The following FREM2 variants were observed in gnomAD, a reference collection of about 807,000 sequenced individuals.
FREM2 encodes the protein FRAS1-related extracellular matrix protein 2.
Under a neutral mutation model 219.9 loss-of-function variants are expected in FREM2, and 119 were observed. The observed-to-expected ratio is 0.54, with a 90% confidence interval of 0.47 to 0.63. The LOEUF (loss-of-function observed/expected upper bound fraction) is 0.63. Among genes scored for constraint, FREM2 ranks in the 30% least tolerant of loss-of-function variants. FREM2 has a pLI of 0.00. For missense variants in FREM2, 4,030 were observed against 3,993.6 expected (o/e 1.01, Z -0.25); for synonymous variants, 1,562 against 1,522.8 (o/e 1.03, Z -0.60).
At chr13:38,791,343 A>G (rs1340469954) in intron 6 of FREM2, among the ~76,000 whole-genome samples, 2 of 152,174 alleles carry the variant, frequency 1.3e-5, no homozygotes, top group African/African-American at 2.4e-5. Flanking sequence ...AAAGTCTCTC[A>G]TGTATCTTGA....
At chr13:38,867,682 C>G (rs578009207) in intron 16 of FREM2, among the ~76,000 whole-genome samples, 1 of 152,340 alleles carries the variant, frequency 6.6e-6, no homozygotes, top group East Asian at 1.9e-4. Flanking sequence ...GCCTGAGAAC[C>G]CAGGTTAAGT....
At position 38,687,515 on chromosome 13, in the gene FREM2, C is replaced by T. The variant is rs1213671355; in HGVS notation, c.171C>T (p.Ser57=). 2.6e-5 allele frequency: 42 copies of T among 1,597,416 alleles called. No individual in the cohort carries two copies. Among genetic ancestry groups the T allele is most frequent in the Non-Finnish European group, 3.6e-5 (42 of 1,172,360 alleles). ...CTGCCTTCGGCAGGGCGTTGCTGTC[C>T]CCTGGTCTCGCGGGGGCTGCAGGGG... ...QPAAFGRALL[S]PGLAGAAGVP... is the part of the protein sequence containing the mutation. Residue 57 remains serine, a synonymous_variant, in exon 1 of 24, where the codon TCC becomes TCT. Transcript: ENST00000280481.
chr13:38,815,920 T>C (rs1875746709), intron 6 of FREM2, among the ~76,000 whole-genome samples: 1 of 152,142 alleles, frequency 6.6e-6, no homozygotes, highest in Non-Finnish European at 1.5e-5. Flanking sequence ...CCTCTGATAT[T>C]GAAACCAAAT....
intron 17 of FREM2, among the ~76,000 whole-genome samples, chr13:38,873,351 A>G (rs572163028): frequency 7.2e-5 from 11 of 152,340 alleles, no homozygotes; most frequent in African/African-American, 2.6e-4. Flanking sequence ...ATTAAATACA[A>G]ATTATGGCCT....
chr13:38,748,653 C>T (rs1377782962), intron 2 of FREM2, among the ~76,000 whole-genome samples: 1 of 152,098 alleles, frequency 6.6e-6, no homozygotes, highest in Non-Finnish European at 1.5e-5. Flanking sequence ...ATATTAAAGA[C>T]CCTAGGAATT....
In FREM2 at chr13:38,693,966, T is replaced by C. The variant is rs77231799; in HGVS notation, c.5173+1449T>C. Among the ~76,000 whole-genome samples, 19 of 152,306 alleles carry C rather than the reference T, an allele frequency of 1.2e-4. No homozygotes were observed. In the East Asian group the frequency reaches 3.5e-3, roughly 28 times the overall value. On this transcript the variant is annotated intron_variant, in intron 1 of 23. Transcript: ENST00000280481. ...CCATGCCGTCTTACACTGGTTTATTTTCATGGAGAGGGAAGAGAATGAAAG... is the reference window on the plus strand; with the variant it reads ...CCATGCCGTCTTACACTGGTTTATTCTCATGGAGAGGGAAGAGAATGAAAG...
intron 20 of FREM2, 56 bp from the exon 21 acceptor site, chr13:38,877,061 G>A: frequency 1.9e-6 from 3 of 1,599,918 alleles, no homozygotes; most frequent in Non-Finnish European, 2.6e-6. Flanking sequence ...TGAACAGTAT[G>A]TTTGTGCACC....
chr13:38,870,433 C>T (rs1340154187), intron 16 of FREM2, among the ~76,000 whole-genome samples: 1 of 152,070 alleles, frequency 6.6e-6, no homozygotes, highest in Non-Finnish European at 1.5e-5. Context: ...CATTGTGTCT[C>T]GGTTTCTTTA....
At chr13:38,768,632 C>T (rs1240869948) in intron 3 of FREM2, among the ~76,000 whole-genome samples, 3 of 152,120 alleles carry the variant, frequency 2.0e-5, no homozygotes, top group Non-Finnish European at 4.4e-5. Context: ...TGAAAATGCT[C>T]AGGTTTAGAG....
chr13:38,865,507 T>C (rs929276197), intron 16 of FREM2, among the ~76,000 whole-genome samples: 11 of 152,232 alleles, frequency 7.2e-5, no homozygotes, highest in African/African-American at 2.2e-4. Context: ...CCCTTCCAGA[T>C]TGAGCTAAAG....
chr13:38,747,276 G>A (rs1313819878), intron 2 of FREM2, among the ~76,000 whole-genome samples: 1 of 152,064 alleles, frequency 6.6e-6, no homozygotes, highest in East Asian at 1.9e-4. Flanking sequence ...ATTCCCAAAG[G>A]ATAGTTATCC....
intron 6 of FREM2, among the ~76,000 whole-genome samples, chr13:38,836,944 A>T (rs1267674732): frequency 6.6e-6 from 1 of 151,830 alleles, no homozygotes; most frequent in African/African-American, 2.4e-5. Flanking sequence ...TCTCTACTTC[A>T]GTTCTGCTCT....
intron 4 of FREM2, among the ~76,000 whole-genome samples, chr13:38,772,293 A>T (rs1437589446): frequency 6.6e-6 from 1 of 152,196 alleles, no homozygotes; most frequent in Non-Finnish European, 1.5e-5. Flanking sequence ...CAAAGACCAC[A>T]GGGGATGGGA....
In FREM2 at chr13:38,884,770, A is replaced by T. The variant is rs778540709; in HGVS notation, c.*3983A>T. The T allele has an allele frequency of 6.6e-6, 1 of 152,206 alleles. No individual in the cohort carries two copies. The highest frequency in any genetic ancestry group is 1.5e-5 in the Non-Finnish European group (1 of 68,014). The allele number at this position is 152,206 out of a possible 1,614,324, so 9.4% of individuals were successfully genotyped here. On this transcript the variant is annotated 3_prime_UTR_variant, in exon 24 of 24. Coordinates refer to ENST00000280481, the MANE Select transcript of FREM2 (RefSeq NM_207361.6). The stretch of plus-strand genomic sequence containing the variant: ...TATAAATACCAGTGCTATCACAGCC[A>T]CACATACACACACACAGACATAAAA...
intron 6 of FREM2, among the ~76,000 whole-genome samples, chr13:38,845,410 G>A (rs1170680258): frequency 6.6e-6 from 1 of 152,142 alleles, no homozygotes; most frequent in Non-Finnish European, 1.5e-5. Context: ...GAACAGTAAT[G>A]TGAGTTGCAT....
intron 6 of FREM2, 93 bp from the exon 7 acceptor site, chr13:38,846,480 A>G: frequency 7.5e-7 from 1 of 1,339,532 alleles, no homozygotes; most frequent in Non-Finnish European, 1.1e-6. Flanking sequence ...GAAGTCCCTA[A>G]GAGGAAGCAC....
At chr13:38,725,667 T>G (rs1407253248) in intron 2 of FREM2, among the ~76,000 whole-genome samples, 1 of 152,200 alleles carries the variant, frequency 6.6e-6, no homozygotes, top group African/African-American at 2.4e-5. Context: ...AAGCCTGTCA[T>G]TCAGACCCGT....
At chr13:38,698,693 T>C (rs1221158074) in intron 2 of FREM2, among the ~76,000 whole-genome samples, 1 of 152,194 alleles carries the variant, frequency 6.6e-6, no homozygotes, top group Non-Finnish European at 1.5e-5. Flanking sequence ...TGTTTCCTTA[T>C]GATGCTTTTT....
At position 38,689,602 on chromosome 13, in the gene FREM2, A is replaced by T. The variant is rs756507992; in HGVS notation, c.2258A>T (p.His753Leu). The T allele has an allele frequency of 6.2e-7, 1 of 1,613,104 alleles. No individual in the cohort carries two copies. The highest frequency in any genetic ancestry group is 8.5e-7 in the Non-Finnish European group (1 of 1,179,506). Reference protein sequence around the residue: ...TQPPTDTDENHLPAPLGTLVL... With the variant: ...TQPPTDTDENLLPAPLGTLVL... ...CCCCCCACAGACACAGACGAAAATC[A>T]CCTGCCAGCCCCACTGGGTACCTTG... The change falls in exon 1 of 24, where the codon CAC becomes CTC. Residue 753 changes from histidine (H) to leucine (L), a missense_variant. His to Leu is a moderately conservative substitution (Grantham distance 99, BLOSUM62 -3). Coordinates refer to ENST00000280481, the MANE Select transcript of FREM2 (RefSeq NM_207361.6).
Sources: allele counts gnomAD v4.1 joint callset (sites outside exome capture counted in the v4.1 genomes callset), GRCh38; gene constraint gnomAD v4.1.1; transcripts MANE v1.5; gene names NCBI Gene and HGNC (gene_info 2026-07-23, HGNC 2026-07-21).